Variants in WWP1 observed in about 807,000 individuals in gnomAD.
WWP1 encodes the protein WW domain containing E3 ubiquitin protein ligase 1, also known as NEDD4-like E3 ubiquitin-protein ligase WWP1.
WWP1 carries 49 observed loss-of-function variants against 130.6 expected under a neutral mutation model. The ratio of observed to expected loss-of-function variants is 0.38; its 90% CI spans 0.30 to 0.48. The LOEUF is 0.48. WWP1 is among the 20% of genes least tolerant of loss of function. The probability of loss-of-function intolerance (pLI) is 0.99; values close to 1 mark genes in which losing one functional copy is unlikely to be tolerated. For missense variants in WWP1, 809 were observed against 1,100.6 expected, an observed-to-expected ratio of 0.74 and a Z score of 3.75; for synonymous variants, 332 against 367.8, an observed-to-expected ratio of 0.90 and a Z score of 1.11.
At position 86,401,296 on chromosome 8, in the gene WWP1, C is replaced by T. The variant is rs183624803; in HGVS notation, c.540-723C>T. Reference sequence around the variant, plus strand: ...TAGTTTCAGGCCAGGTACAATGGCTCACACCTATAATCCCAGCACTTTGGG... The same window carrying T: ...TAGTTTCAGGCCAGGTACAATGGCTTACACCTATAATCCCAGCACTTTGGG... On this transcript the variant is annotated intron_variant, in intron 7 of 24. Transcript: ENST00000517970. Among the ~76,000 whole-genome samples the T allele has an allele frequency of 1.8e-3, 272 of 152,132 alleles. 3 individuals are homozygous for T. In the East Asian group the frequency reaches 0.033, roughly 18 times the overall value.
chr8:86,380,507 G>A (rs1004376843), intron 3 of WWP1, among the ~76,000 whole-genome samples: 2 of 152,176 alleles, frequency 1.3e-5, no homozygotes, highest in Non-Finnish European at 2.9e-5. Flanking sequence ...TTAAGTGGGT[G>A]AATTATATGA....
At chr8:86,440,098 C>G (rs1408532627) in intron 17 of WWP1, among the ~76,000 whole-genome samples, 1 of 152,128 alleles carries the variant, frequency 6.6e-6, no homozygotes, top group Admixed American at 6.5e-5. Context: ...ACGAGTTTAT[C>G]TCAATTTCAG....
Position 86,407,076 on chromosome 8 carries a change from G to A in WWP1, c.725-4462G>A, listed in dbSNP as rs1808318885. 2.0e-5 allele frequency among the ~76,000 whole-genome samples: 3 copies of A among 152,190 alleles called. No homozygotes were observed. In the South Asian group the frequency reaches 6.2e-4, roughly 32 times the overall value. On this transcript the variant is annotated intron_variant, in intron 8 of 24. Transcript: ENST00000517970. ...TCATAATGGCTGAAAGTAAGGCTTG[G>A]GAGATGTTCATTCAGAACCCAAGTC...
At chr8:86,434,682 C>T (rs1328067422) in intron 14 of WWP1, among the ~76,000 whole-genome samples, 1 of 152,122 alleles carries the variant, frequency 6.6e-6, no homozygotes, top group African/African-American at 2.4e-5. Flanking sequence ...AGTATATAAG[C>T]TCCACAAAAC....
chr8:86,447,563 A>C (rs1563542350), intron 18 of WWP1, among the ~76,000 whole-genome samples: 1 of 152,062 alleles, frequency 6.6e-6, no homozygotes, highest in Non-Finnish European at 1.5e-5. Context: ...ACTGCGCCCC[A>C]CCTTGAAGGT....
intron 9 of WWP1, among the ~76,000 whole-genome samples, chr8:86,413,304 A>T (rs1808692904): frequency 6.6e-6 from 1 of 152,152 alleles, no homozygotes; most frequent in Admixed American, 6.5e-5. Flanking sequence ...TTAGTCAATT[A>T]TCCTAGTCTC....
intron 8 of WWP1, among the ~76,000 whole-genome samples, chr8:86,411,110 A>G (rs1055388123): frequency 6.6e-6 from 1 of 152,192 alleles, no homozygotes; most frequent in Non-Finnish European, 1.5e-5. Context: ...ATGCCATCAT[A>G]CAGTTCCTAC....
chr8:86,385,368 T>C (rs998345439), intron 5 of WWP1, among the ~76,000 whole-genome samples: 20 of 152,020 alleles, frequency 1.3e-4, no homozygotes, highest in Admixed American at 1.2e-3. Flanking sequence ...GGAAAGAAAG[T>C]AGGCTGAGTT....
intron 1 of WWP1, among the ~76,000 whole-genome samples, chr8:86,351,366 G>A (rs944223994): frequency 2.0e-5 from 3 of 152,060 alleles, no homozygotes; most frequent in Middle Eastern, 3.2e-3. Flanking sequence ...CAGGGTCTCC[G>A]ACAGCTCTGT....
intron 8 of WWP1, among the ~76,000 whole-genome samples, chr8:86,405,442 C>A (rs991738988): frequency 6.6e-6 from 1 of 151,538 alleles, no homozygotes; most frequent in Non-Finnish European, 1.5e-5. Flanking sequence ...CTACATTTCG[C>A]TGCAGAAATA....
At chr8:86,460,836 G>C (rs887234747) in intron 22 of WWP1, among the ~76,000 whole-genome samples, 2 of 100,782 alleles carry the variant, frequency 2.0e-5, no homozygotes, top group Non-Finnish European at 3.8e-5. Context: ...TTGAGACAGA[G>C]TCTTGCTCTG....
chr8:86,361,840 G>A (rs575919998), intron 1 of WWP1, among the ~76,000 whole-genome samples: 4 of 151,788 alleles, frequency 2.6e-5, no homozygotes, highest in African/African-American at 9.7e-5. Context: ...TTCTGTCAAT[G>A]AACTTAAAAT....
chr8:86,457,976 T>G lies in WWP1; in HGVS notation c.2450T>G (p.Val817Gly). 1 of 1,613,078 alleles carries G rather than the reference T, an allele frequency of 6.2e-7. No homozygotes were observed. The highest frequency in any genetic ancestry group is 1.1e-5 in the South Asian group (1 of 91,008). Residue 817 changes from valine (V) to glycine (G), a missense_variant, in exon 22 of 25, where the codon GTT (valine) becomes GGT (glycine). Val to Gly is a moderately radical substitution (Grantham distance 109). Transcript: ENST00000517970. ...TTGGCAGATTGGCAGAGAAATACTG[T>G]TTATCGACATTATACAAGAAACAGC... Reference protein sequence around the residue: ...VDLADWQRNTVYRHYTRNSKQ... With the variant: ...VDLADWQRNTGYRHYTRNSKQ...
intron 1 of WWP1, among the ~76,000 whole-genome samples, chr8:86,366,521 T>G (rs1823978304): frequency 6.6e-6 from 1 of 152,202 alleles, no homozygotes; most frequent in Non-Finnish European, 1.5e-5. Context: ...GACATGTAGT[T>G]CCAGTGATAT....
chr8:86,428,364 C>T (rs894681225), intron 11 of WWP1, among the ~76,000 whole-genome samples: 8 of 151,626 alleles, frequency 5.3e-5, no homozygotes, highest in South Asian at 2.1e-4. Flanking sequence ...AGCAAACATC[C>T]GTGAGAGGAG....
At chr8:86,380,200 A>G (rs1295010019) in intron 3 of WWP1, among the ~76,000 whole-genome samples, 1 of 152,208 alleles carries the variant, frequency 6.6e-6, no homozygotes, top group Non-Finnish European at 1.5e-5. Context: ...TGCATGTTAC[A>G]ATATGGATGA....
intron 18 of WWP1, among the ~76,000 whole-genome samples, 163 bp from the exon 19 acceptor site, chr8:86,447,985 A>ATACC (rs1336615220): frequency 6.6e-6 from 1 of 152,094 alleles, no homozygotes; most frequent in Non-Finnish European, 1.5e-5. Context: ...TTTGTTTTTC[A>ATACC]TACCTAGCAT....
intron 18 of WWP1, 62 bp downstream of exon 18, chr8:86,442,840 TTA>T (rs1810662160): frequency 3.8e-5 from 53 of 1,400,124 alleles, no homozygotes; most frequent in Middle Eastern, 2.3e-4. Flanking sequence ...GAGAAGGCTT[TTA>T]AAAAAAAAAA....
intron 9 of WWP1, among the ~76,000 whole-genome samples, chr8:86,422,064 T>G (rs1407523976): frequency 6.6e-6 from 1 of 152,006 alleles, no homozygotes; most frequent in Non-Finnish European, 1.5e-5. Context: ...TCTTTTATTG[T>G]GAAACATCAC....
Sources: allele counts gnomAD v4.1 joint callset (sites outside exome capture counted in the v4.1 genomes callset), GRCh38; gene constraint gnomAD v4.1.1; transcripts MANE v1.5; gene names NCBI Gene and HGNC (gene_info 2026-07-23, HGNC 2026-07-21).